Variants in CNTNAP5 observed in about 807,000 individuals in gnomAD.
CNTNAP5 encodes contactin associated protein family member 5.
Under a neutral mutation model 150.2 loss-of-function variants are expected in CNTNAP5, and 72 were observed. That is an observed-to-expected ratio of 0.48 (90% CI 0.40 to 0.58). The LOEUF is 0.58. CNTNAP5 is among the 20% of genes least tolerant of loss of function. The pLI, the probability that CNTNAP5 is intolerant of heterozygous loss-of-function variation, is 0.00. For synonymous variants in CNTNAP5, 672 were observed against 619.8 expected, an observed-to-expected ratio of 1.08 and a Z score of -1.25; for missense variants, 1,636 against 1,626.2, an observed-to-expected ratio of 1.01 and a Z score of -0.10.
In CNTNAP5 at chr2:124,565,800, C is replaced by T. The variant is rs899145865; in HGVS notation, c.1756+2477C>T. Among the ~76,000 whole-genome samples the T allele has an allele frequency of 8.6e-5, 13 of 151,944 alleles. No individual in the cohort carries two copies. The South Asian group carries it at 1.9e-3, about 22-fold the overall frequency. On this transcript the variant is annotated intron_variant, in intron 11 of 23. Transcript: ENST00000682447. ...ATTTTTAGTAGAGACGGGGTTTCAC[C>T]GTGTTAGCCAGAATGGTCTTGATCT...
chr2:124,731,051 G>A (rs62171324), intron 13 of CNTNAP5, among the ~76,000 whole-genome samples: 18,705 of 152,042 alleles, frequency 0.12, 1,577 homozygotes, highest in Non-Finnish European at 0.19. Flanking sequence ...GCCTCGTGCC[G>A]TTTCCAGCAC....
chr2:124,535,010 G>A (rs1695196203), intron 10 of CNTNAP5, among the ~76,000 whole-genome samples: 1 of 152,184 alleles, frequency 6.6e-6, no homozygotes, highest in South Asian at 2.1e-4. Flanking sequence ...TTGTTCTGGT[G>A]ATGGATATCC....
chr2:124,109,788 G>C (rs1267386491), intron 1 of CNTNAP5, among the ~76,000 whole-genome samples: 2 of 152,190 alleles, frequency 1.3e-5, no homozygotes, highest in Non-Finnish European at 2.9e-5. Context: ...AGTCAACAGA[G>C]ATACCAGGAA....
chr2:124,321,947 C>G (rs538274196), intron 3 of CNTNAP5, among the ~76,000 whole-genome samples: 28 of 152,078 alleles, frequency 1.8e-4, no homozygotes, highest in African/African-American at 6.8e-4. Flanking sequence ...GTCAGGAGTT[C>G]GAGACCAGCC....
At chr2:124,823,045 G>GA (rs1207341816) in intron 19 of CNTNAP5, among the ~76,000 whole-genome samples, 1 of 152,118 alleles carries the variant, frequency 6.6e-6, no homozygotes, top group Non-Finnish European at 1.5e-5. Context: ...ACAACACAGA[G>GA]AAAAAATGAA....
intron 16 of CNTNAP5, among the ~76,000 whole-genome samples, chr2:124,765,327 G>C (rs929927969): frequency 6.6e-6 from 1 of 152,030 alleles, no homozygotes; most frequent in Non-Finnish European, 1.5e-5. Flanking sequence ...GAAGTTGCTT[G>C]GGTTCTAGTA....
At chr2:124,096,776 T>C (rs1017592032) in intron 1 of CNTNAP5, among the ~76,000 whole-genome samples, 2 of 152,068 alleles carry the variant, frequency 1.3e-5, no homozygotes, top group South Asian at 4.1e-4. Flanking sequence ...TGATCTTGAC[T>C]CACTGCAACC....
At chr2:124,387,163 A>T (rs780003) in intron 3 of CNTNAP5, among the ~76,000 whole-genome samples, 1 of 152,074 alleles carries the variant, frequency 6.6e-6, no homozygotes, top group Non-Finnish European at 1.5e-5. Flanking sequence ...AGAGGTAAGA[A>T]CCCCTGCCTC....
chr2:124,446,968 G>A (rs141209936), intron 6 of CNTNAP5, 31 bp downstream of exon 6: 44 of 1,595,036 alleles, frequency 2.8e-5, no homozygotes, highest in Admixed American at 1.7e-4. Flanking sequence ...GCACCTCCTC[G>A]GCCCCTTGCT....
intron 19 of CNTNAP5, among the ~76,000 whole-genome samples, chr2:124,832,382 A>G (rs1328959498): frequency 6.6e-6 from 1 of 152,116 alleles, no homozygotes; most frequent in Non-Finnish European, 1.5e-5. Flanking sequence ...CAACATATAT[A>G]CACACATAGA....
chr2:124,207,955 T>A (rs1573836448), intron 1 of CNTNAP5, among the ~76,000 whole-genome samples: 2 of 152,194 alleles, frequency 1.3e-5, no homozygotes, highest in Non-Finnish European at 2.9e-5. Flanking sequence ...TCTTCATAGC[T>A]ACAGCCAACA....
At chr2:124,429,991 G>A (rs1692333751) in intron 4 of CNTNAP5, among the ~76,000 whole-genome samples, 1 of 152,154 alleles carries the variant, frequency 6.6e-6, no homozygotes, top group African/African-American at 2.4e-5. Flanking sequence ...CGTACATCTG[G>A]CCCTTGTCCT....
rs141264203 is a variant in CNTNAP5 at position 124,545,012 on chromosome 2, CA to C, written c.1649+17560del. Among the ~76,000 whole-genome samples the C allele has an allele frequency of 4.7e-3, 716 of 152,206 alleles. 4 individuals are homozygous for C. Among genetic ancestry groups the C allele is most frequent in the African/African-American group, 0.016 (685 of 41,522 alleles). ...AGAAGTGATTTAACGATTACTAGAT[CA>C]AAATGTCAAAAACTTTATATTACTT... On this transcript the variant is annotated intron_variant, in intron 10 of 23. Transcript: ENST00000682447.
intron 7 of CNTNAP5, among the ~76,000 whole-genome samples, chr2:124,493,159 T>A (rs2104852002): frequency 6.6e-6 from 1 of 152,190 alleles, no homozygotes; most frequent in African/African-American, 2.4e-5. Context: ...TACACCTAAA[T>A]CGTTAAGAGT....
At chr2:124,706,219 G>A (rs976353727) in intron 13 of CNTNAP5, among the ~76,000 whole-genome samples, 6 of 151,892 alleles carry the variant, frequency 4.0e-5, no homozygotes, top group African/African-American at 1.5e-4. Flanking sequence ...GTAAGGCTTG[G>A]GGTCAATGTC....
At chr2:124,216,842 A>G (rs1308405552) in intron 1 of CNTNAP5, among the ~76,000 whole-genome samples, 4 of 152,200 alleles carry the variant, frequency 2.6e-5, no homozygotes, top group Non-Finnish European at 4.4e-5. Flanking sequence ...TAGTGCCTCA[A>G]TAAACATACG....
At chr2:124,617,884 G>T (rs1677523312) in intron 12 of CNTNAP5, among the ~76,000 whole-genome samples, 1 of 152,124 alleles carries the variant, frequency 6.6e-6, no homozygotes, top group South Asian at 2.1e-4. Flanking sequence ...CTGGGCAGCA[G>T]ATAATGCCTC....
At chr2:124,750,982 CAAA>C (rs745635606) in intron 14 of CNTNAP5, among the ~76,000 whole-genome samples, 153 of 75,438 alleles carry the variant, frequency 2.0e-3, no homozygotes, top group Middle Eastern at 8.2e-3. Flanking sequence ...GACTCCATCT[CAAA>C]AAAAAAAAAA....
chr2:124,517,743 G>T (rs1694760210), intron 8 of CNTNAP5, among the ~76,000 whole-genome samples: 1 of 148,478 alleles, frequency 6.7e-6, no homozygotes, highest in South Asian at 2.2e-4. Context: ...GGAGGGTTTT[G>T]GTGTTGGTGA....
Sources: gnomAD v4.1 joint callset for allele counts (sites outside exome capture counted in the v4.1 genomes callset) on GRCh38, gnomAD v4.1.1 for gene constraint, MANE v1.5 for transcripts, NCBI Gene and HGNC (gene_info 2026-07-23, HGNC 2026-07-21) for gene names.